MLXIP: variants seen among roughly 807,000 people sequenced by gnomAD.
The protein encoded by MLXIP is MLX-interacting protein.
Under a neutral mutation model 87.2 loss-of-function variants are expected in MLXIP, and 30 were observed. The ratio of observed to expected loss-of-function variants is 0.34; its 90% CI spans 0.26 to 0.47. MLXIP has a LOEUF of 0.47. MLXIP is among the 20% of genes least tolerant of loss of function. MLXIP has a pLI of 1.00. For synonymous variants in MLXIP, 530 were observed against 514.0 expected, an observed-to-expected ratio of 1.03 and a Z score of -0.42; for missense variants, 1,002 against 1,240.1, an observed-to-expected ratio of 0.81 and a Z score of 2.88.
chr12:122,087,296 G>A (rs1220454262), intron 1 of MLXIP, among the ~76,000 whole-genome samples: 1 of 152,144 alleles, frequency 6.6e-6, no homozygotes, highest in East Asian at 1.9e-4. Flanking sequence ...TCCCCTCATG[G>A]GACTTCCATG....
At chr12:122,093,353 TTGG>T (rs1348977649) in intron 1 of MLXIP, among the ~76,000 whole-genome samples, 1 of 146,940 alleles carries the variant, frequency 6.8e-6, no homozygotes, top group Admixed American at 6.8e-5. Context: ...ATTGTGTGTG[TTGG>T]TGTGTGGTGT....
At position 122,137,315 on chromosome 12, in the gene MLXIP, ATAATC is replaced by A. The variant is rs1292107114; in HGVS notation, c.2033-150_2033-146del. 12 of 710,656 alleles carry A rather than the reference ATAATC, an allele frequency of 1.7e-5. No individual in the cohort carries two copies. The highest frequency in any genetic ancestry group is 2.2e-5 in the Non-Finnish European group (10 of 464,232). 44.0% of individuals were successfully genotyped at this position (710,656 alleles called of 1,614,324 possible). On this transcript the variant is annotated intron_variant, in intron 11 of 16. Transcript: ENST00000319080. The surrounding 1 kb of genome is among the most constrained non-coding windows in gnomAD (Gnocchi z 4.1). ...TAAGATTTTCAGGGAGTGAATAAGA[ATAATC>A]TAAGGAAGCATGTGTGTGCAGTTGA... is the stretch of plus-strand genomic sequence containing the variant.
At chr12:122,100,417 A>G (rs1272617387) in intron 1 of MLXIP, among the ~76,000 whole-genome samples, 1 of 152,250 alleles carries the variant, frequency 6.6e-6, no homozygotes, top group Non-Finnish European at 1.5e-5. Flanking sequence ...TTACAAAATT[A>G]ACCATTTTTA....
At position 122,146,563 on chromosome 12, in the gene MLXIP, C is replaced by A. The variant is rs1435963804; in HGVS notation, c.*4751C>A. The A allele has an allele frequency of 6.6e-6, 1 of 152,246 alleles. No individual in the cohort carries two copies. Among genetic ancestry groups the A allele is most frequent in the African/African-American group, 2.4e-5 (1 of 41,444 alleles). The allele number at this position is 152,246 out of a possible 1,614,324, so 9.4% of individuals were successfully genotyped here. On this transcript the variant is annotated 3_prime_UTR_variant, in exon 17 of 17. Transcript: ENST00000319080. ...CTTTGCTTGTCAGGGCTTGCAAAAA[C>A]CAACCTTCGAGAAAGAAAAGGGAAC... is the stretch of plus-strand genomic sequence containing the variant.
intron 1 of MLXIP, among the ~76,000 whole-genome samples, chr12:122,097,389 C>T (rs1032861694): frequency 2.0e-5 from 3 of 151,924 alleles, no homozygotes; most frequent in South Asian, 2.1e-4. Flanking sequence ...GGGAGGCTGA[C>T]GTGGGAGGAT....
chr12:122,129,441 G>T, intron 4 of MLXIP, 147 bp from the exon 5 acceptor site: 1 of 1,003,176 alleles, frequency 1.0e-6, no homozygotes, highest in South Asian at 1.5e-5. Context: ...CTGTGCACTG[G>T]GTGGAAGTCT....
chr12:122,136,003 C>T lies in MLXIP; in HGVS notation c.2032+337C>T, dbSNP rs1384164363. 4 of 244,772 alleles carry T rather than the reference C, an allele frequency of 1.6e-5. No individual in the cohort carries two copies. In the Admixed American group the frequency reaches 2.0e-4, roughly 12 times the overall value. 15.2% of individuals were successfully genotyped at this position (244,772 alleles called of 1,614,324 possible). ...TTGAGGAGCCCTGGGCTTCCTGTCT[C>T]TGGGAGCATCAGCCTGGGGTTGCTG... On this transcript the variant is annotated intron_variant, in intron 11 of 16. Transcript: ENST00000319080.
At chr12:122,132,066 G>A (rs1413559316) in intron 7 of MLXIP, among the ~76,000 whole-genome samples, 1 of 151,954 alleles carries the variant, frequency 6.6e-6, no homozygotes, top group Non-Finnish European at 1.5e-5. Context: ...TGGGACTACA[G>A]GCATGTGCCA....
At chr12:122,117,732 A>G (rs1952714859) in intron 1 of MLXIP, among the ~76,000 whole-genome samples, 2 of 152,312 alleles carry the variant, frequency 1.3e-5, no homozygotes, top group East Asian at 1.9e-4. Flanking sequence ...CTAAGACCCC[A>G]GTGGATGCCT....
intron 4 of MLXIP, 47 bp downstream of exon 4, chr12:122,129,273 C>A: frequency 1.3e-6 from 2 of 1,516,224 alleles, no homozygotes; most frequent in Non-Finnish European, 1.8e-6. Context: ...AGGGAGTGGG[C>A]AGAGTCCCTG....
intron 9 of MLXIP, 95 bp downstream of exon 9, chr12:122,134,082 C>A: frequency 7.1e-7 from 1 of 1,403,714 alleles, no homozygotes; most frequent in Non-Finnish European, 9.5e-7. Context: ...CCACCACCAC[C>A]ACCCTGGTGT....
rs1229176307 is a variant in MLXIP at position 122,078,901 on chromosome 12, G to C, written c.48G>C (p.Arg16=). The C allele has an allele frequency of 2.6e-6, 3 of 1,146,378 alleles. No homozygotes were observed. The South Asian group carries it at 7.9e-5, about 30-fold the overall frequency. The allele number at this position is 1,146,378 out of a possible 1,614,324, so 71.0% of individuals were successfully genotyped here. Residue 16 remains arginine, a synonymous_variant, in exon 1 of 17, where the codon CGG becomes CGC. Coordinates refer to ENST00000319080, the MANE Select transcript of MLXIP (RefSeq NM_014938.6). The part of the protein sequence containing the change: ...FMCSPRRPRS[R]GRQVLLKPQV... ...GCTCCCCGCGCCGGCCTCGCAGCCGGGGCCGCCAGGTGCTGCTCAAGCCCC... is the reference window on the plus strand; with the variant it reads ...GCTCCCCGCGCCGGCCTCGCAGCCGCGGCCGCCAGGTGCTGCTCAAGCCCC...
intron 1 of MLXIP, among the ~76,000 whole-genome samples, chr12:122,091,308 C>T (rs1952241797): frequency 1.3e-5 from 2 of 152,122 alleles, no homozygotes. Context: ...AAGTGACCTC[C>T]TTGGAGCATT....
At chr12:122,129,840 T>A (rs7487292) in intron 5 of MLXIP, 101 bp from the exon 6 acceptor site, 5 of 1,458,400 alleles carry the variant, frequency 3.4e-6, no homozygotes, top group East Asian at 2.4e-5. Context: ...TCACTTCCAC[T>A]GAGCACCCCT....
chr12:122,078,824 C>G lies in MLXIP; in HGVS notation c.-30C>G. ...CGCGCTTGTCGCGTTGCCCCGGGCT[C>G]CGGGGGATGCCCCCGGCCGAGCCCT... On this transcript the variant is annotated 5_prime_UTR_variant, in exon 1 of 17. Transcript: ENST00000319080. 8 of 1,048,670 alleles carry G rather than the reference C, an allele frequency of 7.6e-6. No individual in the cohort carries two copies. The highest frequency in any genetic ancestry group is 9.2e-6 in the Non-Finnish European group (8 of 871,840). 65.0% of individuals were successfully genotyped at this position (1,048,670 alleles called of 1,614,324 possible).
intron 1 of MLXIP, among the ~76,000 whole-genome samples, chr12:122,108,955 T>G (rs1408820593): frequency 6.6e-6 from 1 of 152,192 alleles, no homozygotes; most frequent in Non-Finnish European, 1.5e-5. Flanking sequence ...CTCACCCTCA[T>G]GTGAAACTAT....
chr12:122,120,265 C>T (rs1337179748), intron 1 of MLXIP, among the ~76,000 whole-genome samples: 1 of 151,978 alleles, frequency 6.6e-6, no homozygotes, highest in African/African-American at 2.4e-5. Flanking sequence ...CCCTGTCACC[C>T]AGGCTGGAGT....
At chr12:122,103,892 C>T (rs2135930993) in intron 1 of MLXIP, among the ~76,000 whole-genome samples, 1 of 147,304 alleles carries the variant, frequency 6.8e-6, no homozygotes, top group East Asian at 2.0e-4. Flanking sequence ...CCAGGCTGGT[C>T]TCTAACTTCT....
At chr12:122,138,706 C>G (rs979913956) in intron 14 of MLXIP, 109 bp from the exon 15 acceptor site, 18 of 1,510,534 alleles carry the variant, frequency 1.2e-5, no homozygotes, top group African/African-American at 5.6e-5. Flanking sequence ...GACCTCTCTT[C>G]TCTGTGCCTG....
Sources: allele counts gnomAD v4.1 joint callset (sites outside exome capture counted in the v4.1 genomes callset), GRCh38; gene constraint gnomAD v4.1.1; non-coding constraint Gnocchi (gnomAD v3.1); transcripts MANE v1.5; gene names NCBI Gene and HGNC (gene_info 2026-07-23, HGNC 2026-07-21).